NSD2: variants seen among roughly 807,000 people sequenced by gnomAD.
The protein encoded by NSD2 is histone-lysine N-methyltransferase NSD2.
A neutral mutation model predicts 139.0 loss-of-function variants in NSD2; 12 were observed. The observed-to-expected ratio is 0.09, with a 90% CI of 0.06 to 0.14. The LOEUF (loss-of-function observed/expected upper bound fraction) is 0.14. Ranked by LOEUF, NSD2 falls within the 10% of genes least tolerant of loss-of-function variation. The probability of loss-of-function intolerance (pLI) is 1.00; values close to 1 mark genes in which losing one functional copy is unlikely to be tolerated. For synonymous variants in NSD2, 669 were observed against 648.7 expected, an observed-to-expected ratio of 1.03 and a Z score of -0.48; for missense variants, 1,155 against 1,745.0, an observed-to-expected ratio of 0.66 and a Z score of 6.02.
chr4:1,877,679 C>T (rs1714361113), intron 1 of NSD2, among the ~76,000 whole-genome samples: 1 of 152,324 alleles, frequency 6.6e-6, no homozygotes, highest in South Asian at 2.1e-4. Flanking sequence ...CTCCCATTCT[C>T]ATTCTGTTCC....
Position 1,946,234 on chromosome 4 carries a change from A to G in NSD2, c.1882-4838A>G, listed in dbSNP as rs770959685. 3.4e-4 allele frequency: 341 copies of G among 1,009,918 alleles called. 1 individual carries two copies. The highest frequency in any genetic ancestry group is 3.9e-4 in the Non-Finnish European group (330 of 842,674). The allele number at this position is 1,009,918 out of a possible 1,614,324, so 62.6% of individuals were successfully genotyped here. ...TGTTATTGGCTTCTTAACTTCTAAAATTTGGGGGGTCTTGCATTTATTTAT... is the reference window on the plus strand; with the variant it reads ...TGTTATTGGCTTCTTAACTTCTAAAGTTTGGGGGGTCTTGCATTTATTTAT... On this transcript the variant is annotated intron_variant, in intron 9 of 21. Coordinates refer to ENST00000508803, the MANE Select transcript of NSD2 (RefSeq NM_001042424.3).
intron 9 of NSD2, chr4:1,945,896 A>G (rs1723580283): frequency 9.4e-7 from 1 of 1,059,776 alleles, no homozygotes; most frequent in Non-Finnish European, 1.1e-6. Flanking sequence ...TTTCTTTTTC[A>G]TTTGACTTAC....
intron 5 of NSD2, among the ~76,000 whole-genome samples, chr4:1,924,860 G>A (rs1720648217): frequency 6.6e-6 from 1 of 152,118 alleles, no homozygotes; most frequent in Non-Finnish European, 1.5e-5. Context: ...CTGGAAGGTC[G>A]AGGCTGCAGT....
At position 1,956,223 on chromosome 4, in the gene NSD2, C is replaced by T; in HGVS notation, c.2881+35C>T. 1 of 1,527,954 alleles carries T rather than the reference C, an allele frequency of 6.5e-7. No individual in the cohort carries two copies. Among genetic ancestry groups the T allele is most frequent in the South Asian group, 1.2e-5 (1 of 80,124 alleles). The allele number at this position is 1,527,954 out of a possible 1,614,324, so 94.6% of individuals were successfully genotyped here. ...TATTCAGATAGAGAGTGAGACAGCACTCTCGTGCATTTTCTTACCCCTAAT... is the reference window on the plus strand; with the variant it reads ...TATTCAGATAGAGAGTGAGACAGCATTCTCGTGCATTTTCTTACCCCTAAT... On this transcript the variant is annotated intron_variant, in intron 15 of 21. Transcript: ENST00000508803. The surrounding 1 kb of genome is among the most constrained non-coding windows in gnomAD (Gnocchi z 5.3).
intron 3 of NSD2, among the ~76,000 whole-genome samples, chr4:1,906,300 G>A (rs967564801): frequency 2.6e-5 from 4 of 152,042 alleles, no homozygotes; most frequent in African/African-American, 9.7e-5. Flanking sequence ...GTGCAGTGGC[G>A]CAGTCTTAGC....
chr4:1,881,036 T>G (rs975314557), intron 1 of NSD2, among the ~76,000 whole-genome samples: 3 of 152,208 alleles, frequency 2.0e-5, no homozygotes, highest in Non-Finnish European at 4.4e-5. Context: ...TGGTACATCA[T>G]CTAGGGTTTG....
At chr4:1,876,441 AG>A (rs1245752805) in intron 1 of NSD2, among the ~76,000 whole-genome samples, 1 of 152,188 alleles carries the variant, frequency 6.6e-6, no homozygotes, top group Non-Finnish European at 1.5e-5. Flanking sequence ...CTGTAATTGC[AG>A]CACTTTGGGA....
At chr4:1,964,318 C>G (rs1486549280) in intron 18 of NSD2, among the ~76,000 whole-genome samples, 2 of 152,248 alleles carry the variant, frequency 1.3e-5, no homozygotes, top group South Asian at 4.1e-4. Flanking sequence ...TGTGTCCCCA[C>G]CTAGACCACA....
At chr4:1,960,978 G>T in intron 17 of NSD2, 57 bp from the exon 18 acceptor site, 1 of 1,447,344 alleles carries the variant, frequency 6.9e-7, no homozygotes, top group Non-Finnish European at 9.7e-7. Context: ...CTTGAGCCCC[G>T]ACACTGAGGA....
At chr4:1,978,350 G>A (rs867867732) in intron 21 of NSD2, among the ~76,000 whole-genome samples, 4 of 152,118 alleles carry the variant, frequency 2.6e-5, no homozygotes, top group Non-Finnish European at 5.9e-5. Context: ...TGTCCACGCC[G>A]CGCTGGGGGA....
rs1714540297 is a variant in NSD2, at chr4:1,879,429, C to T, written c.-30+7887C>T. On this transcript the variant is annotated intron_variant, in intron 1 of 21. Transcript: ENST00000508803. ...AGAGACGGGGTTTCACCGTGTTAGCCAGGATGGTCTCAATCTCCTGACCTT... is the reference window on the plus strand; with the variant it reads ...AGAGACGGGGTTTCACCGTGTTAGCTAGGATGGTCTCAATCTCCTGACCTT... 2.0e-5 allele frequency among the ~76,000 whole-genome samples: 3 copies of T among 152,156 alleles called. No individual in the cohort carries two copies. The South Asian group carries it at 6.2e-4, about 31-fold the overall frequency.
rs1287863058 is a variant in NSD2 at position 1,904,385 on chromosome 4, T to C, written c.760+7T>C. On this transcript the variant is annotated splice_region_variant and intron_variant, in intron 3 of 21. Coordinates refer to ENST00000508803, the MANE Select transcript of NSD2 (RefSeq NM_001042424.3). ...AGCTATACCAAACTTAAAGGTATTGTGTTCTTTGGGTTGTTTTTCCAACTT... is the reference window on the plus strand; with the variant it reads ...AGCTATACCAAACTTAAAGGTATTGCGTTCTTTGGGTTGTTTTTCCAACTT... 6.2e-7 allele frequency: 1 copy of C among 1,603,122 alleles called. No individual in the cohort carries two copies.
intron 5 of NSD2, among the ~76,000 whole-genome samples, chr4:1,924,795 T>G (rs1297705196): frequency 6.6e-6 from 1 of 150,586 alleles, no homozygotes; most frequent in African/African-American, 2.4e-5. Context: ...GGCATGATGG[T>G]GCACACTTGT....
chr4:1,885,795 G>C (rs921261821), intron 1 of NSD2, among the ~76,000 whole-genome samples: 15 of 152,074 alleles, frequency 9.9e-5, no homozygotes, highest in African/African-American at 3.6e-4. Context: ...AGTACAGGTA[G>C]TTCCTCACTG....
At chr4:1,940,904 C>T (rs890557594) in intron 9 of NSD2, 83 of 1,056,792 alleles carry the variant, frequency 7.9e-5, no homozygotes, top group East Asian at 1.6e-4. Flanking sequence ...GAATCCTCAG[C>T]GACCACTCCT....
chr4:1,897,217 C>G (rs1716471301), intron 1 of NSD2, among the ~76,000 whole-genome samples: 1 of 151,142 alleles, frequency 6.6e-6, no homozygotes, highest in African/African-American at 2.4e-5. Context: ...TGCAGTGTCT[C>G]ATGCCTGTAA....
chr4:1,927,570 G>A (rs1261422617), intron 5 of NSD2, among the ~76,000 whole-genome samples: 70 of 151,672 alleles, frequency 4.6e-4, no homozygotes, highest in African/African-American at 1.6e-3. Context: ...AATACAAAAA[G>A]TAGCCAGGTG....
chr4:1,960,609 T>C (rs1725270066), intron 17 of NSD2, among the ~76,000 whole-genome samples: 2 of 152,230 alleles, frequency 1.3e-5, no homozygotes, highest in Admixed American at 6.5e-5. Flanking sequence ...AAAAGGTTGC[T>C]TAGAAACACC....
chr4:1,935,312 C>A, intron 7 of NSD2, 50 bp downstream of exon 7: 1 of 1,405,562 alleles, frequency 7.1e-7, no homozygotes, highest in South Asian at 1.2e-5. Flanking sequence ...TGCTCTGTGA[C>A]TCTTGGTGCC....
Sources: gnomAD v4.1 joint callset for allele counts (sites outside exome capture counted in the v4.1 genomes callset) on GRCh38, gnomAD v4.1.1 for gene constraint, Gnocchi (gnomAD v3.1) non-coding constraint, MANE v1.5 for transcripts, NCBI Gene and HGNC (gene_info 2026-07-23, HGNC 2026-07-21) for gene names.